Variants in COP1 observed in about 807,000 individuals in gnomAD.
COP1 encodes E3 ubiquitin-protein ligase COP1.
A neutral mutation model predicts 101.3 loss-of-function variants in COP1; 24 were observed. The ratio of observed to expected loss-of-function variants is 0.24; its 90% CI spans 0.17 to 0.33. The LOEUF (loss-of-function observed/expected upper bound fraction) is 0.33, where lower values mean the gene tolerates loss of function less well. Among genes scored for constraint, COP1 ranks in the 10% least tolerant of loss-of-function variants. COP1 has a pLI of 1.00. For synonymous variants in COP1, 347 were observed against 341.9 expected, an observed-to-expected ratio of 1.01 and a Z score of -0.17; for missense variants, 663 against 906.2, an observed-to-expected ratio of 0.73 and a Z score of 3.45.
At chr1:176,051,612 G>A (rs1170807832) in intron 11 of COP1, among the ~76,000 whole-genome samples, 5 of 152,012 alleles carry the variant, frequency 3.3e-5, no homozygotes, top group East Asian at 1.9e-4. Flanking sequence ...TAAAGCAGCC[G>A]CAGGCAGGTC....
chr1:176,131,853 C>T lies in COP1; in HGVS notation c.968+3157G>A, dbSNP rs142878506. On this transcript the variant is annotated intron_variant, in intron 8 of 19. Coordinates refer to ENST00000367669, the MANE Select transcript of COP1 (RefSeq NM_022457.7). ...TTGAGTGATATTCACATCACTTGTT[C>T]AGAGAAAATATCAAAACACTCTTGA... is the stretch of plus-strand genomic sequence containing the variant. Among the ~76,000 whole-genome samples, 399 of 151,920 alleles carry T rather than the reference C, an allele frequency of 2.6e-3. 3 individuals carry two copies. The highest frequency in any genetic ancestry group is 9.2e-3 in the African/African-American group (381 of 41,496).
At chr1:175,975,260 C>T (rs972095368) in intron 18 of COP1, among the ~76,000 whole-genome samples, 16 of 152,022 alleles carry the variant, frequency 1.1e-4, no homozygotes, top group Non-Finnish European at 1.8e-4. Flanking sequence ...TAATATTATC[C>T]CCCACCCCAA....
chr1:176,008,615 A>C lies in COP1; in HGVS notation c.1729+18957T>G, dbSNP rs148703688. The stretch of plus-strand genomic sequence containing the variant: ...TATAGCTAGGATAATTTCTACTAAG[A>C]ATTTTTCTTGTTTGTGTATACCTTT... On this transcript the variant is annotated intron_variant, in intron 15 of 19. Coordinates refer to ENST00000367669, the MANE Select transcript of COP1 (RefSeq NM_022457.7). 2.6e-3 allele frequency among the ~76,000 whole-genome samples: 401 copies of C among 152,248 alleles called. 3 individuals carry two copies. Among genetic ancestry groups the C allele is most frequent in the African/African-American group, 9.2e-3 (383 of 41,546 alleles).
At chr1:176,015,004 G>A (rs1237261911) in intron 15 of COP1, among the ~76,000 whole-genome samples, 5 of 152,154 alleles carry the variant, frequency 3.3e-5, no homozygotes. Context: ...ATGAGACAGA[G>A]AGGAAAGGTA....
chr1:176,129,811 TAC>T (rs35332192), intron 8 of COP1, among the ~76,000 whole-genome samples: 59,719 of 151,386 alleles, frequency 0.39, 11,963 homozygotes, highest in Middle Eastern at 0.45. Context: ...ATCAATAAGA[TAC>T]ATTCAGAAAT....
intron 18 of COP1, among the ~76,000 whole-genome samples, chr1:175,978,126 C>A (rs1380824221): frequency 6.6e-6 from 1 of 151,978 alleles, no homozygotes; most frequent in Non-Finnish European, 1.5e-5. Flanking sequence ...TTCTTTTCTT[C>A]CCTTAAAAAA....
intron 18 of COP1, among the ~76,000 whole-genome samples, chr1:175,973,921 C>T (rs1029567097): frequency 2.6e-5 from 4 of 152,090 alleles, no homozygotes; most frequent in Non-Finnish European, 1.5e-5. Context: ...ACCCAGCATT[C>T]GGTGTTTGAG....
At chr1:176,163,481 A>G (rs1002685431) in intron 4 of COP1, among the ~76,000 whole-genome samples, 1 of 152,222 alleles carries the variant, frequency 6.6e-6, no homozygotes. Flanking sequence ...TTGGCCTCCC[A>G]AAGTGTTGGG....
At chr1:176,071,306 C>A (rs1676965475) in intron 11 of COP1, among the ~76,000 whole-genome samples, 3 of 152,028 alleles carry the variant, frequency 2.0e-5, no homozygotes, top group Admixed American at 2.0e-4. Flanking sequence ...ATGAGGCCTC[C>A]CTAGAAACTG....
chr1:176,128,693 A>G (rs1257593376), intron 8 of COP1, among the ~76,000 whole-genome samples: 1 of 152,024 alleles, frequency 6.6e-6, no homozygotes, highest in Non-Finnish European at 1.5e-5. Flanking sequence ...TAAATTGTAT[A>G]CAGATAATTT....
At chr1:176,085,531 T>C (rs1679977419) in intron 10 of COP1, among the ~76,000 whole-genome samples, 1 of 152,188 alleles carries the variant, frequency 6.6e-6, no homozygotes, top group African/African-American at 2.4e-5. Flanking sequence ...CATAGCTGAA[T>C]TTCTTTTTAA....
intron 3 of COP1, among the ~76,000 whole-genome samples, chr1:176,175,526 A>C (rs183739355): frequency 6.6e-6 from 1 of 152,064 alleles, no homozygotes; most frequent in East Asian, 1.9e-4. Flanking sequence ...TCAGGTTCAT[A>C]CTCCTCTGAG....
At chr1:176,043,682 A>G (rs1671029218) in intron 13 of COP1, 28 bp downstream of exon 13, 1 of 1,217,174 alleles carries the variant, frequency 8.2e-7, no homozygotes, top group Non-Finnish European at 1.2e-6. Context: ...TATGATTCAT[A>G]TAACATGTAA....
chr1:176,141,747 T>C (rs1223101000), intron 6 of COP1, among the ~76,000 whole-genome samples: 1 of 151,146 alleles, frequency 6.6e-6, no homozygotes, highest in East Asian at 2.0e-4. Flanking sequence ...TTTTTTTTTT[T>C]TAAGACAGGG....
chr1:176,155,471 G>A (rs1383596035), intron 5 of COP1, among the ~76,000 whole-genome samples: 1 of 151,742 alleles, frequency 6.6e-6, no homozygotes, highest in Non-Finnish European at 1.5e-5. Context: ...AGGAAAATAA[G>A]AACAGAGCAT....
intron 18 of COP1, among the ~76,000 whole-genome samples, chr1:175,950,214 T>TAA (rs55821760): frequency 2.8e-5 from 4 of 144,990 alleles, no homozygotes; most frequent in African/African-American, 1.0e-4. Flanking sequence ...CTTTATGTGT[T>TAA]AAAAAAAAAA....
At chr1:176,047,451 T>C (rs1463766906) in intron 11 of COP1, among the ~76,000 whole-genome samples, 1 of 152,148 alleles carries the variant, frequency 6.6e-6, no homozygotes, top group Non-Finnish European at 1.5e-5. Context: ...GGTAGTCTGG[T>C]TTCAGAGCTG....
chr1:175,961,701 A>G (rs1441272654), intron 18 of COP1, among the ~76,000 whole-genome samples: 1 of 150,648 alleles, frequency 6.6e-6, no homozygotes, highest in African/African-American at 2.4e-5. Context: ...GTCTCAAAAA[A>G]AAAAAAAAAA....
At chr1:175,953,266 G>C (rs567415042) in intron 18 of COP1, among the ~76,000 whole-genome samples, 2 of 149,430 alleles carry the variant, frequency 1.3e-5, no homozygotes, top group African/African-American at 4.9e-5. Flanking sequence ...GCTAGTAAAG[G>C]AGAAAAAATA....
Sources: gnomAD v4.1 joint callset for allele counts (sites outside exome capture counted in the v4.1 genomes callset) on GRCh38, gnomAD v4.1.1 for gene constraint, MANE v1.5 for transcripts, NCBI Gene and HGNC (gene_info 2026-07-23, HGNC 2026-07-21) for gene names.